EBF1: variants seen among roughly 807,000 people sequenced by gnomAD.
EBF1 encodes the protein EBF transcription factor 1.
In EBF1, 10 loss-of-function variants were observed where a neutral mutation model predicts 68.4. The ratio of observed to expected loss-of-function variants is 0.15; its 90% confidence interval spans 0.09 to 0.25. The LOEUF is 0.25. EBF1 is among the 10% of genes least tolerant of loss of function. The pLI, the probability that EBF1 is intolerant of heterozygous loss-of-function variation, is 1.00. For missense variants in EBF1, 509 were observed against 794.4 expected (o/e 0.64, Z 4.32); for synonymous variants, 298 against 299.8 (o/e 0.99, Z 0.06).
At chr5:159,042,585 C>T (rs1021744727) in intron 6 of EBF1, among the ~76,000 whole-genome samples, 4 of 67,922 alleles carry the variant, frequency 5.9e-5, no homozygotes, top group Non-Finnish European at 1.0e-4. Flanking sequence ...AAATTCTTTG[C>T]CTGTGTGTGT....
chr5:159,040,660 A>G (rs1771015499), intron 6 of EBF1, among the ~76,000 whole-genome samples: 1 of 152,238 alleles, frequency 6.6e-6, no homozygotes, highest in African/African-American at 2.4e-5. Flanking sequence ...AAATTTAACC[A>G]AAGTGTGCTC....
Position 158,731,166 on chromosome 5 carries a change from A to G in EBF1, c.1037-9T>C, listed in dbSNP as rs750136811. 6.2e-7 allele frequency: 1 copy of G among 1,613,178 alleles called. No individual in the cohort carries two copies. Among genetic ancestry groups the G allele is most frequent in the Admixed American group, 1.7e-5 (1 of 59,958 alleles). ...GGTGGGTTCGTTGAGCGCTGCAATA[A>G]AGAAGTCACACAATTAGTACATTTT... is the stretch of plus-strand genomic sequence containing the variant. On this transcript the variant is annotated splice_polypyrimidine_tract_variant and intron_variant, in intron 10 of 15. Coordinates refer to ENST00000313708, the MANE Select transcript of EBF1 (RefSeq NM_024007.5).
At chr5:159,092,184 G>A (rs1312394256) in intron 4 of EBF1, among the ~76,000 whole-genome samples, 1 of 152,090 alleles carries the variant, frequency 6.6e-6, no homozygotes, top group East Asian at 1.9e-4. Context: ...ATTGTTTCTG[G>A]ATGCAGCAGC....
chr5:158,853,182 T>C (rs1217365530), intron 6 of EBF1, among the ~76,000 whole-genome samples: 1 of 152,214 alleles, frequency 6.6e-6, no homozygotes, highest in Non-Finnish European at 1.5e-5. Flanking sequence ...TTCTCTTTTT[T>C]AGAGAACAAC....
chr5:158,774,985 A>T (rs556078154), intron 10 of EBF1, among the ~76,000 whole-genome samples: 57 of 91,012 alleles, frequency 6.3e-4, no homozygotes, highest in Middle Eastern at 5.4e-3. Flanking sequence ...TAGAATATTT[A>T]AAAAAAAAAA....
intron 8 of EBF1, among the ~76,000 whole-genome samples, chr5:158,797,626 A>G (rs953160125): frequency 6.6e-6 from 1 of 152,228 alleles, no homozygotes; most frequent in Non-Finnish European, 1.5e-5. Context: ...TCATGCTTTA[A>G]CTTTTGCAAG....
chr5:159,026,534 A>G (rs1237593252), intron 6 of EBF1, among the ~76,000 whole-genome samples: 1 of 152,172 alleles, frequency 6.6e-6, no homozygotes, highest in African/African-American at 2.4e-5. Flanking sequence ...ACTGACACCA[A>G]CAGAGTCCTA....
Position 158,951,615 on chromosome 5 carries a change from G to A in EBF1, c.555-111505C>T, listed in dbSNP as rs189679488. ...GTCAAATGCAAAATATGACTAAGTA[G>A]GCCCTAGTGCATGAAATATATTCTC... On this transcript the variant is annotated intron_variant, in intron 6 of 15. Transcript: ENST00000313708. Among the ~76,000 whole-genome samples, 81 of 152,192 alleles carry A rather than the reference G, an allele frequency of 5.3e-4. No homozygotes were observed. In the Middle Eastern group the frequency reaches 0.02, roughly 38 times the overall value.
chr5:158,838,171 C>A (rs778341414), intron 7 of EBF1, among the ~76,000 whole-genome samples: 2 of 151,936 alleles, frequency 1.3e-5, no homozygotes, highest in African/African-American at 2.4e-5. Flanking sequence ...CCTGGCCAGG[C>A]GCAGTGGCTC....
chr5:158,907,560 G>C (rs936718282), intron 6 of EBF1, among the ~76,000 whole-genome samples: 2 of 152,100 alleles, frequency 1.3e-5, no homozygotes, highest in South Asian at 4.2e-4. Context: ...TTTCAGTTTG[G>C]GATGTTAATA....
intron 10 of EBF1, among the ~76,000 whole-genome samples, chr5:158,776,803 T>A (rs1301811896): frequency 6.6e-6 from 1 of 152,188 alleles, no homozygotes; most frequent in Non-Finnish European, 1.5e-5. Flanking sequence ...AGCGTACACA[T>A]TGGGCACTCA....
chr5:158,786,953 G>A (rs943908619), intron 9 of EBF1, among the ~76,000 whole-genome samples: 3 of 152,140 alleles, frequency 2.0e-5, no homozygotes, highest in Non-Finnish European at 4.4e-5. Flanking sequence ...AAAGCTTTAC[G>A]ATACAGAGAC....
chr5:158,707,481 A>T (rs914037027), intron 15 of EBF1: 1 of 224,682 alleles, frequency 4.5e-6, no homozygotes, highest in Non-Finnish European at 8.9e-6. Context: ...GGCTCTGATC[A>T]AGTTATGGCT....
rs143646830 is a variant in EBF1 at position 159,072,983 on chromosome 5, G to A, written c.554+413C>T. Among the ~76,000 whole-genome samples, 28 of 152,246 alleles carry A rather than the reference G, an allele frequency of 1.8e-4. No homozygotes were observed. The East Asian group carries it at 3.7e-3, about 20-fold the overall frequency. ...AAACCTTAAAGTGTAGATGGATTAC[G>A]TCCAACAGAACTACTGTAGCTAAAA... On this transcript the variant is annotated intron_variant, in intron 6 of 15. Transcript: ENST00000313708.
chr5:158,737,559 C>T (rs769839765), intron 10 of EBF1, among the ~76,000 whole-genome samples: 7 of 152,096 alleles, frequency 4.6e-5, no homozygotes, highest in Non-Finnish European at 7.4e-5. Context: ...GCTGGGATTA[C>T]AACCGTGAGC....
intron 6 of EBF1, among the ~76,000 whole-genome samples, chr5:159,059,112 C>T (rs1228514263): frequency 6.6e-6 from 1 of 152,108 alleles, no homozygotes; most frequent in Admixed American, 6.5e-5. Context: ...AGATACAAAC[C>T]AAAGCTGGCT....
At chr5:158,719,961 G>A (rs1187779034) in intron 11 of EBF1, among the ~76,000 whole-genome samples, 2 of 152,244 alleles carry the variant, frequency 1.3e-5, no homozygotes, top group South Asian at 2.1e-4. Context: ...GTCAAGTTGA[G>A]TTGGGTGATT....
chr5:159,010,702 A>G (rs1764478522), intron 6 of EBF1, among the ~76,000 whole-genome samples: 1 of 152,230 alleles, frequency 6.6e-6, no homozygotes, highest in Non-Finnish European at 1.5e-5. Context: ...GATTTATCTG[A>G]CACCATCTCA....
chr5:158,820,093 A>G (rs1784535543), intron 8 of EBF1, among the ~76,000 whole-genome samples: 1 of 152,132 alleles, frequency 6.6e-6, no homozygotes, highest in Admixed American at 6.5e-5. Context: ...AACTTCCTCC[A>G]ACAGTCTGAC....
Sources: allele counts gnomAD v4.1 joint callset (sites outside exome capture counted in the v4.1 genomes callset), GRCh38; gene constraint gnomAD v4.1.1; transcripts MANE v1.5; gene names NCBI Gene and HGNC (gene_info 2026-07-23, HGNC 2026-07-21).